TMPO: variants seen among roughly 807,000 people sequenced by gnomAD.
TMPO encodes LEM domain containing 4.
In TMPO, 22 loss-of-function variants were observed where a neutral mutation model predicts 45.4. The observed-to-expected ratio is 0.48, with a 90% CI of 0.35 to 0.69. TMPO has a LOEUF of 0.69. Among genes scored for constraint, TMPO ranks in the 30% least tolerant of loss-of-function variants. The probability of loss-of-function intolerance (pLI) is 0.01; values close to 1 mark genes in which losing one functional copy is unlikely to be tolerated. For missense variants in TMPO, 512 were observed against 548.8 expected, an observed-to-expected ratio of 0.93 and a Z score of 0.67; for synonymous variants, 241 against 204.1, an observed-to-expected ratio of 1.18 and a Z score of -1.54.
intron 4 of TMPO, among the ~76,000 whole-genome samples, chr12:98,538,720 CTCTT>C (rs1453129212): frequency 1.3e-5 from 2 of 152,192 alleles, no homozygotes; most frequent in Admixed American, 6.5e-5. Context: ...GTCAGTCTCT[CTCTT>C]CATTTGATGT....
chr12:98,543,617 T>G (rs1202987601), intron 4 of TMPO, among the ~76,000 whole-genome samples: 3 of 152,202 alleles, frequency 2.0e-5, no homozygotes, highest in African/African-American at 7.2e-5. Flanking sequence ...AAAGTGACGT[T>G]AGGCTTGCAT....
intron 3 of TMPO, chr12:98,532,733 T>C: frequency 6.3e-7 from 1 of 1,593,932 alleles, no homozygotes; most frequent in Non-Finnish European, 8.6e-7. Context: ...TCTTTTCCTT[T>C]GACAGCACTA....
chr12:98,539,658 G>A (rs1877796258), intron 4 of TMPO, among the ~76,000 whole-genome samples: 1 of 152,020 alleles, frequency 6.6e-6, no homozygotes, highest in Non-Finnish European at 1.5e-5. Context: ...ATTCTTAGTA[G>A]AGACCAGGTT....
At chr12:98,531,864 A>T in intron 3 of TMPO, 26 bp downstream of exon 3, 1 of 1,596,776 alleles carries the variant, frequency 6.3e-7, no homozygotes, top group Non-Finnish European at 8.5e-7. Flanking sequence ...ATGTTAATCA[A>T]ATGTATGGAA....
intron 1 of TMPO, among the ~76,000 whole-genome samples, chr12:98,525,567 C>G (rs1424216225): frequency 6.6e-6 from 1 of 151,952 alleles, no homozygotes; most frequent in African/African-American, 2.4e-5. Context: ...ATGCTGAAAC[C>G]CCGTCTCTAC....
At chr12:98,524,158 T>G (rs1024161971) in intron 1 of TMPO, among the ~76,000 whole-genome samples, 1 of 152,382 alleles carries the variant, frequency 6.6e-6, no homozygotes, top group Non-Finnish European at 1.5e-5. Context: ...GTGCGTCTGC[T>G]TTCTGTTGCT....
At chr12:98,537,602 A>C in intron 4 of TMPO, 30 bp downstream of exon 4, 1 of 1,525,054 alleles carries the variant, frequency 6.6e-7, no homozygotes, top group Non-Finnish European at 9.1e-7. Context: ...CACCGTGTAC[A>C]GGTATAAATA....
Position 98,515,700 on chromosome 12 carries a change from T to C in TMPO, c.-168T>C. On this transcript the variant is annotated 5_prime_UTR_variant, in exon 1 of 9. Transcript: ENST00000556029. The stretch of plus-strand genomic sequence containing the variant: ...GGCTCTGGGGTCTTTTGTGTCCGGG[T>C]CTGGCTTGGCTTTGTGTCCGCGAGT... 5 of 1,433,854 alleles carry C rather than the reference T, an allele frequency of 3.5e-6. No homozygotes were observed. The highest frequency in any genetic ancestry group is 4.7e-6 in the Non-Finnish European group (5 of 1,068,920). The allele number at this position is 1,433,854 out of a possible 1,614,324, so 88.8% of individuals were successfully genotyped here.
chr12:98,543,818 G>T (rs1010971902), intron 4 of TMPO, among the ~76,000 whole-genome samples: 1 of 152,096 alleles, frequency 6.6e-6, no homozygotes, highest in Non-Finnish European at 1.5e-5. Flanking sequence ...ACAAAAGTTT[G>T]TATTTTTGTT....
rs1253088307 is a variant in TMPO, at chr12:98,547,922, T to C, written c.*64T>C. ...TTCAATAACTGTTGAAAAACATTTG[T>C]GTACACTTGTTGACTCCAAGAACTA... On this transcript the variant is annotated 3_prime_UTR_variant, in exon 9 of 9. Transcript: ENST00000556029. 1 of 1,563,220 alleles carries C rather than the reference T, an allele frequency of 6.4e-7. No individual in the cohort carries two copies. The highest frequency in any genetic ancestry group is 8.8e-7 in the Non-Finnish European group (1 of 1,140,350).
chr12:98,529,334 T>A (rs889668313), intron 2 of TMPO, among the ~76,000 whole-genome samples: 2 of 152,036 alleles, frequency 1.3e-5, no homozygotes, highest in African/African-American at 4.8e-5. Context: ...GGATTACAGG[T>A]GTGAGCCACC....
intron 3 of TMPO, chr12:98,532,848 G>C: frequency 6.2e-7 from 1 of 1,614,162 alleles, no homozygotes. Context: ...ACAAGAAAGT[G>C]AAGTCCACTA....
chr12:98,538,381 T>G (rs961987225), intron 4 of TMPO, among the ~76,000 whole-genome samples: 3 of 152,158 alleles, frequency 2.0e-5, no homozygotes, highest in Non-Finnish European at 4.4e-5. Context: ...GACGGAGTTT[T>G]GCTCTTGTCA....
At chr12:98,528,105 G>T in intron 2 of TMPO, 93 bp downstream of exon 2, 1 of 1,456,940 alleles carries the variant, frequency 6.9e-7, no homozygotes, top group Non-Finnish European at 9.6e-7. Context: ...AGGTTCCAAG[G>T]ACTGGTTTGT....
intron 1 of TMPO, among the ~76,000 whole-genome samples, chr12:98,525,873 C>T (rs921776693): frequency 6.6e-6 from 1 of 151,984 alleles, no homozygotes; most frequent in Non-Finnish European, 1.5e-5. Context: ...GGAAAGTGAG[C>T]ATTCCATACA....
In TMPO at chr12:98,517,900, C is replaced by T. The variant is rs376065938; in HGVS notation, c.279+1754C>T. On this transcript the variant is annotated intron_variant, in intron 1 of 8. Transcript: ENST00000556029. ...GGTTGAGGCCGGGCGCGGTGGCTCACGCCTGTAAGCCCCGCACTTTGGGAG... is the reference window on the plus strand; with the variant it reads ...GGTTGAGGCCGGGCGCGGTGGCTCATGCCTGTAAGCCCCGCACTTTGGGAG... 1.3e-4 allele frequency among the ~76,000 whole-genome samples: 20 copies of T among 152,356 alleles called. 3 individuals are homozygous for T. Among genetic ancestry groups the T allele is most frequent in the Admixed American group, 2.6e-4 (4 of 15,300 alleles).
At chr12:98,523,027 T>TA (rs1406823965) in intron 1 of TMPO, among the ~76,000 whole-genome samples, 6 of 152,202 alleles carry the variant, frequency 3.9e-5, no homozygotes, top group African/African-American at 1.2e-4. Context: ...AAAAATACGT[T>TA]AGAGATCATC....
intron 1 of TMPO, chr12:98,516,398 GTTGTTTTGCACGCAGTCGACGCCGC>G: frequency 8.4e-7 from 1 of 1,192,584 alleles, no homozygotes; most frequent in Non-Finnish European, 1.0e-6. Flanking sequence ...GTTGGCGGCG[GTTGTTTTGCACGCAGTCGACGCCGC>G]TTCCCTGGAC....
chr12:98,537,664 A>G (rs1877655596), intron 4 of TMPO, 92 bp downstream of exon 4: 1 of 935,758 alleles, frequency 1.1e-6, no homozygotes, highest in African/African-American at 1.6e-5. Flanking sequence ...TGACACCCAG[A>G]TTCCAGCACG....
Sources: gnomAD v4.1 joint callset for allele counts (sites outside exome capture counted in the v4.1 genomes callset) on GRCh38, gnomAD v4.1.1 for gene constraint, MANE v1.5 for transcripts, NCBI Gene and HGNC (gene_info 2026-07-23, HGNC 2026-07-21) for gene names.